Variants in PIP5K1B observed in about 807,000 individuals in gnomAD.
PIP5K1B encodes phosphatidylinositol-4-phosphate 5-kinase type 1 beta, also known as phosphatidylinositol 4-phosphate 5-kinase type-1 beta.
PIP5K1B carries 42 observed loss-of-function variants against 67.0 expected under a neutral mutation model. That is an observed-to-expected ratio of 0.63 (90% confidence interval 0.49 to 0.81). The LOEUF is 0.81. PIP5K1B is among the 30% of genes least tolerant of loss of function. PIP5K1B has a pLI of 0.00. For missense variants in PIP5K1B, 459 were observed against 646.3 expected, an observed-to-expected ratio of 0.71 and a Z score of 3.14; for synonymous variants, 214 against 231.4, an observed-to-expected ratio of 0.92 and a Z score of 0.68.
At chr9:68,835,832 A>C (rs1834573012) in intron 4 of PIP5K1B, among the ~76,000 whole-genome samples, 1 of 120,270 alleles carries the variant, frequency 8.3e-6, no homozygotes, top group South Asian at 3.0e-4. Flanking sequence ...GTGCCTAGAA[A>C]GTGAATTTTT....
intron 2 of PIP5K1B, among the ~76,000 whole-genome samples, chr9:68,763,247 T>A (rs1246394156): frequency 6.6e-6 from 1 of 152,118 alleles, no homozygotes; most frequent in Non-Finnish European, 1.5e-5. Context: ...AAAAGCATGC[T>A]ACATTTACAA....
chr9:68,925,900 C>T (rs1332890298), intron 12 of PIP5K1B, among the ~76,000 whole-genome samples: 2 of 144,358 alleles, frequency 1.4e-5, no homozygotes, highest in East Asian at 2.1e-4. Flanking sequence ...TGGGTTTAAG[C>T]GATTCTTCTG....
intron 6 of PIP5K1B, among the ~76,000 whole-genome samples, chr9:68,883,629 A>G (rs999032791): frequency 2.6e-5 from 4 of 151,926 alleles, no homozygotes; most frequent in African/African-American, 7.3e-5. Context: ...CCCTCCTTTC[A>G]GGTTTTTCTA....
intron 1 of PIP5K1B, among the ~76,000 whole-genome samples, chr9:68,732,920 G>C (rs535460955): frequency 3.9e-5 from 6 of 151,938 alleles, no homozygotes; most frequent in Non-Finnish European, 8.8e-5. Context: ...GTGGGTTGGG[G>C]GGGGGGCGGC....
At chr9:68,733,627 C>CTTT (rs35759487) in intron 1 of PIP5K1B, among the ~76,000 whole-genome samples, 2 of 56,462 alleles carry the variant, frequency 3.5e-5, no homozygotes, top group African/African-American at 7.9e-5. Flanking sequence ...TACTTAGACT[C>CTTT]TTTTTTTTTT....
chr9:68,792,815 C>A (rs1214345783), intron 2 of PIP5K1B, among the ~76,000 whole-genome samples: 1 of 152,154 alleles, frequency 6.6e-6, no homozygotes, highest in Non-Finnish European at 1.5e-5. Context: ...TAGTAAGATT[C>A]TTAGTGGAAC....
intron 4 of PIP5K1B, among the ~76,000 whole-genome samples, chr9:68,838,867 A>G (rs1402844597): frequency 1.3e-5 from 2 of 152,232 alleles, no homozygotes; most frequent in African/African-American, 4.8e-5. Flanking sequence ...GCTTTTTGAG[A>G]TACTCCAAGT....
intron 2 of PIP5K1B, among the ~76,000 whole-genome samples, chr9:68,804,393 C>T (rs1026822537): frequency 3.3e-5 from 5 of 152,006 alleles, no homozygotes; most frequent in Non-Finnish European, 5.9e-5. Context: ...AGGCAGGAAA[C>T]AAAGGGCCCA....
intron 13 of PIP5K1B, among the ~76,000 whole-genome samples, chr9:68,936,697 G>A (rs1463123294): frequency 2.6e-5 from 4 of 152,006 alleles, no homozygotes; most frequent in African/African-American, 9.7e-5. Flanking sequence ...ACTTTTACCT[G>A]GAGTTAATGA....
intron 2 of PIP5K1B, among the ~76,000 whole-genome samples, chr9:68,816,454 A>T (rs535397571): frequency 6.6e-6 from 1 of 152,326 alleles, no homozygotes; most frequent in Admixed American, 6.5e-5. Flanking sequence ...TAAAGGCCAC[A>T]TAAAAATATA....
intron 2 of PIP5K1B, among the ~76,000 whole-genome samples, chr9:68,805,144 G>A (rs1401688628): frequency 6.6e-6 from 1 of 152,208 alleles, no homozygotes; most frequent in African/African-American, 2.4e-5. Flanking sequence ...GCAGGCAAGA[G>A]GCTGTCAGAG....
chr9:68,955,180 A>G (rs530169701), intron 14 of PIP5K1B, among the ~76,000 whole-genome samples: 10 of 152,350 alleles, frequency 6.6e-5, no homozygotes, highest in African/African-American at 2.2e-4. Context: ...TGTCCTTGGC[A>G]TAAGTGCTCA....
intron 9 of PIP5K1B, 35 bp downstream of exon 9, chr9:68,917,794 C>G (rs756061685): frequency 9.5e-6 from 14 of 1,471,446 alleles, no homozygotes; most frequent in Non-Finnish European, 1.2e-5. Flanking sequence ...ACCCTCTTGA[C>G]TGTGGCAGCC....
Position 68,894,495 on chromosome 9 carries a change from A to G in PIP5K1B, c.628A>G (p.Lys210Glu). 6.2e-7 allele frequency: 1 copy of G among 1,614,198 alleles called. No individual in the cohort carries two copies. Among genetic ancestry groups the G allele is most frequent in the Non-Finnish European group, 8.5e-7 (1 of 1,180,022 alleles). ...ATATGACTTGAAAGGCTCAACGTAT[A>G]AGCGAAGAGCATCCCGTAAAGAGAG... is the stretch of plus-strand genomic sequence containing the variant. Reference protein sequence around the residue: ...FTYDLKGSTYKRRASRKEREK... With the variant: ...FTYDLKGSTYERRASRKEREK... Residue 210 changes from lysine to glutamate, a missense_variant, in exon 8 of 16, where the codon AAG becomes GAG. Lys to Glu is a moderately conservative substitution (Grantham distance 56, BLOSUM62 1). Around this residue, in one of 2 missense-constraint regions of PIP5K1B, gnomAD observed 290 missense variants for 474.4 expected, o/e 0.61. Transcript: ENST00000265382.
chr9:68,923,320 A>G lies in PIP5K1B; in HGVS notation c.1135A>G (p.Arg379Gly). Residue 379 changes from arginine (R) to glycine (G), a missense_variant, in exon 12 of 16, where the codon AGA becomes GGA. Physicochemically the swap from Arg to Gly is moderately radical, Grantham distance 125 (BLOSUM62 -2). Around this residue, in one of 2 missense-constraint regions of PIP5K1B, gnomAD observed 290 missense variants for 474.4 expected, o/e 0.61. Transcript: ENST00000265382. ...TTTTCAGGACACTGTTTCTGTTCAT[A>G]GACCAAGCTTTTATGCAGACAGATT... ...VYDGDTVSVH[R>G]PSFYADRFLK... The G allele has an allele frequency of 6.2e-7, 1 of 1,601,758 alleles. No homozygotes were observed. Among genetic ancestry groups the G allele is most frequent in the South Asian group, 1.1e-5 (1 of 88,744 alleles).
At chr9:68,779,069 A>C (rs1410213062) in intron 2 of PIP5K1B, among the ~76,000 whole-genome samples, 1 of 152,160 alleles carries the variant, frequency 6.6e-6, no homozygotes, top group African/African-American at 2.4e-5. Context: ...CCTCAGTAAG[A>C]ATTAAAAGTT....
chr9:68,770,804 G>A (rs1830640275), intron 2 of PIP5K1B, among the ~76,000 whole-genome samples: 1 of 152,178 alleles, frequency 6.6e-6, no homozygotes, highest in Non-Finnish European at 1.5e-5. Flanking sequence ...CTGGTCTGGT[G>A]CCAAAAATGT....
At chr9:68,862,634 A>T (rs1017112768) in intron 4 of PIP5K1B, among the ~76,000 whole-genome samples, 3 of 151,988 alleles carry the variant, frequency 2.0e-5, no homozygotes, top group Non-Finnish European at 2.9e-5. Flanking sequence ...TCTACTAAAA[A>T]TACAAATATT....
chr9:68,813,456 A>C (rs1833273954), intron 2 of PIP5K1B, among the ~76,000 whole-genome samples: 1 of 152,216 alleles, frequency 6.6e-6, no homozygotes, highest in Admixed American at 6.5e-5. Flanking sequence ...AAGAGAAAAG[A>C]GATGTCATGG....
Sources: gnomAD v4.1 joint callset for allele counts (sites outside exome capture counted in the v4.1 genomes callset) on GRCh38, gnomAD v4.1.1 for gene constraint, gnomAD v4.1.1 regional missense constraint, MANE v1.5 for transcripts, NCBI Gene and HGNC (gene_info 2026-07-23, HGNC 2026-07-21) for gene names.